Variants in IL1RAPL1 observed in about 807,000 individuals in gnomAD.
IL1RAPL1 encodes the protein interleukin-1 receptor accessory protein-like 1.
IL1RAPL1 carries 3 observed loss-of-function variants against 48.4 expected under a neutral mutation model. The ratio of observed to expected loss-of-function variants is 0.06; its 90% confidence interval spans 0.03 to 0.16. IL1RAPL1 has a LOEUF of 0.16. IL1RAPL1 is among the 10% of genes least tolerant of loss of function. The probability of loss-of-function intolerance (pLI) is 1.00; values close to 1 mark genes in which losing one functional copy is unlikely to be tolerated. For synonymous variants in IL1RAPL1, 185 were observed against 187.7 expected (o/e 0.99, Z 0.12); for missense variants, 349 against 530.6 (o/e 0.66, Z 3.36).
intron 2 of IL1RAPL1, among the ~76,000 whole-genome samples, chrX:28,917,549 T>C (rs1231098184): frequency 8.9e-6 from 1 of 111,749 alleles, no homozygotes; most frequent in East Asian, 2.8e-4. Context: ...AGTACAGTGA[T>C]TCAGTGATTC....
chrX:29,334,812 G>T (rs1932957769), intron 3 of IL1RAPL1, among the ~76,000 whole-genome samples: 1 of 112,687 alleles, frequency 8.9e-6, no homozygotes, highest in Admixed American at 9.2e-5. Flanking sequence ...AGGCAGAGAG[G>T]CTCCTCATAT....
chrX:29,183,756 C>T (rs1232337429), intron 2 of IL1RAPL1, among the ~76,000 whole-genome samples: 2 of 112,352 alleles, frequency 1.8e-5, no homozygotes, highest in South Asian at 3.6e-4. Context: ...TGCAATGGCA[C>T]GATCTCAGCT....
chrX:29,265,058 A>G (rs1931928585), intron 2 of IL1RAPL1, among the ~76,000 whole-genome samples: 1 of 110,933 alleles, frequency 9.0e-6, no homozygotes, highest in South Asian at 3.8e-4. Flanking sequence ...GATTGCAGGC[A>G]TACGCCACGA....
intron 1 of IL1RAPL1, among the ~76,000 whole-genome samples, chrX:28,603,880 G>A (rs1342464716): frequency 1.8e-5 from 2 of 112,418 alleles, no homozygotes; most frequent in Admixed American, 9.4e-5. Flanking sequence ...TCCCTCATGG[G>A]GATGGGTACA....
rs781744015 is a variant in IL1RAPL1 at position 28,836,752 on chromosome X, A to ATCATCG, written c.82+47333_82+47338dup. Among the ~76,000 whole-genome samples, 17 of 110,324 alleles carry ATCATCG rather than the reference A, an allele frequency of 1.5e-4. No individual in the cohort carries two copies. In the South Asian group the frequency reaches 6.7e-3, roughly 43 times the overall value. ...ACTTGCTGTGGTCATCATCGGCATC[A>ATCATCG]TCATCGTCATCATCATCACCACCAC... is the stretch of plus-strand genomic sequence containing the variant. On this transcript the variant is annotated intron_variant, in intron 2 of 10. Transcript: ENST00000378993.
chrX:29,285,716 G>A (rs1306117532), intron 3 of IL1RAPL1, among the ~76,000 whole-genome samples: 1 of 110,915 alleles, frequency 9.0e-6, no homozygotes, highest in Non-Finnish European at 1.9e-5. Context: ...TAGAGAAAGG[G>A]ATAAACTGCA....
At position 29,955,583 on chromosome X, in the gene IL1RAPL1, A is replaced by T. The variant is rs890627874; in HGVS notation, c.1854A>T (p.Gln618His). ...CCTTTCACAACACGTACCATTCACA[A>T]ATGCGTCAGAAACACTACTACCGAA... is the stretch of plus-strand genomic sequence containing the variant. ...RSTFHNTYHS[Q>H]MRQKHYYRSY... Residue 618 changes from glutamine to histidine, a missense_variant, in exon 11 of 11, where the codon CAA (glutamine) becomes CAT (histidine). Coordinates refer to ENST00000378993, the MANE Select transcript of IL1RAPL1 (RefSeq NM_014271.4). The T allele has an allele frequency of 1.4e-5, 17 of 1,205,317 alleles. No homozygotes were observed. Among genetic ancestry groups the T allele is most frequent in the Non-Finnish European group, 1.9e-5 (17 of 891,567 alleles).
intron 1 of IL1RAPL1, among the ~76,000 whole-genome samples, chrX:28,781,295 T>A (rs113399558): frequency 0.028 from 3,053 of 107,919 alleles, 112 homozygotes; most frequent in African/African-American, 0.098. Context: ...GTTTTTTTTT[T>A]ATTTATTTTT....
At chrX:29,401,895 CT>C (rs1295713081) in intron 5 of IL1RAPL1, among the ~76,000 whole-genome samples, 77 of 104,869 alleles carry the variant, frequency 7.3e-4, no homozygotes, top group African/African-American at 1.9e-3. Context: ...TTTTAAACAT[CT>C]TTTTTTTTTT....
chrX:29,093,605 G>A (rs936733223), intron 2 of IL1RAPL1, among the ~76,000 whole-genome samples: 4 of 111,509 alleles, frequency 3.6e-5, no homozygotes, highest in African/African-American at 9.8e-5. Context: ...AGAAGAACAC[G>A]TTCTATAAAG....
At chrX:28,823,145 G>A (rs950172715) in intron 2 of IL1RAPL1, among the ~76,000 whole-genome samples, 9 of 111,046 alleles carry the variant, frequency 8.1e-5, no homozygotes, top group Non-Finnish European at 1.1e-4. Context: ...GTTCCTTCCC[G>A]GTAGTTATAT....
intron 6 of IL1RAPL1, among the ~76,000 whole-genome samples, chrX:29,915,964 T>G (rs1464405288): frequency 4.4e-5 from 4 of 90,929 alleles, no homozygotes; most frequent in Non-Finnish European, 8.6e-5. Flanking sequence ...GTGATCTCAT[T>G]GTTCAATTCC....
intron 5 of IL1RAPL1, among the ~76,000 whole-genome samples, chrX:29,624,503 T>C (rs1924558525): frequency 8.9e-6 from 1 of 111,982 alleles, no homozygotes; most frequent in Admixed American, 9.5e-5. Context: ...TATTATCTGA[T>C]ATTCATGTCA....
chrX:29,177,104 C>A (rs1930039689), intron 2 of IL1RAPL1, among the ~76,000 whole-genome samples: 1 of 111,284 alleles, frequency 9.0e-6, no homozygotes, highest in African/African-American at 3.3e-5. Flanking sequence ...AGGGAGATGA[C>A]TGTATAGTCA....
At chrX:28,669,653 A>G (rs943139456) in intron 1 of IL1RAPL1, among the ~76,000 whole-genome samples, 1 of 103,647 alleles carries the variant, frequency 9.6e-6, no homozygotes, top group African/African-American at 3.5e-5. Flanking sequence ...TAACTTATAT[A>G]TATAAATTAT....
At chrX:29,639,206 T>C (rs908486882) in intron 5 of IL1RAPL1, among the ~76,000 whole-genome samples, 1 of 109,251 alleles carries the variant, frequency 9.2e-6, no homozygotes, top group South Asian at 3.7e-4. Context: ...AAAAAACAGG[T>C]TTTAAAAAAA....
intron 6 of IL1RAPL1, among the ~76,000 whole-genome samples, chrX:29,860,584 C>T (rs1931562839): frequency 9.0e-6 from 1 of 110,994 alleles, no homozygotes; most frequent in African/African-American, 3.3e-5. Flanking sequence ...TGTTCAGCTT[C>T]CACTTACGAG....
intron 3 of IL1RAPL1, among the ~76,000 whole-genome samples, chrX:29,350,493 C>G (rs1602188326): frequency 9.3e-6 from 1 of 107,482 alleles, no homozygotes; most frequent in Non-Finnish European, 1.9e-5. Flanking sequence ...TCTGAATGTC[C>G]GAATGAGTTT....
Position 28,647,281 on chromosome X carries a change from G to A in IL1RAPL1, c.-25+59234G>A, listed in dbSNP as rs1179998882. ...TACAATCTTCCAGAAACTTCAAACTGCAAAATATATTCCAAATCTAATCAC... is the reference window on the plus strand; with the variant it reads ...TACAATCTTCCAGAAACTTCAAACTACAAAATATATTCCAAATCTAATCAC... On this transcript the variant is annotated intron_variant, in intron 1 of 10. Coordinates refer to ENST00000378993, the MANE Select transcript of IL1RAPL1 (RefSeq NM_014271.4). 2.7e-5 allele frequency among the ~76,000 whole-genome samples: 3 copies of A among 111,693 alleles called. No individual in the cohort carries two copies. In the Admixed American group the frequency reaches 2.9e-4, roughly 11 times the overall value.
Sources: allele counts gnomAD v4.1 joint callset (sites outside exome capture counted in the v4.1 genomes callset), GRCh38; gene constraint gnomAD v4.1.1; transcripts MANE v1.5; gene names NCBI Gene and HGNC (gene_info 2026-07-23, HGNC 2026-07-21).